DECR1: variants seen among roughly 807,000 people sequenced by gnomAD.
The protein encoded by DECR1 is 2,4-dienoyl-CoA reductase [(3E)-enoyl-CoA-producing], mitochondrial.
DECR1 carries 44 observed loss-of-function variants against 38.8 expected under a neutral mutation model. The observed-to-expected ratio is 1.13, with a 90% CI of 0.89 to 1.46. The LOEUF is 1.46. Ranked by LOEUF, DECR1 falls within the 40% of genes most tolerant of loss-of-function variation. DECR1 has a pLI of 0.00. For synonymous variants in DECR1, 148 were observed against 135.2 expected (o/e 1.09, Z -0.66); for missense variants, 428 against 405.5 (o/e 1.06, Z -0.48).
At chr8:90,049,751 A>G (rs746753191) in intron 8 of DECR1, among the ~76,000 whole-genome samples, 2 of 152,176 alleles carry the variant, frequency 1.3e-5, no homozygotes, top group Non-Finnish European at 2.9e-5. Flanking sequence ...CAAAGCTGGC[A>G]TCATCACACT....
chr8:90,004,415 C>T (rs1021874188), intron 1 of DECR1, among the ~76,000 whole-genome samples: 12 of 151,708 alleles, frequency 7.9e-5, no homozygotes, highest in Admixed American at 5.2e-4. Flanking sequence ...AAAATGATTC[C>T]TGGCCAATAT....
chr8:90,037,446 T>G (rs1028993707), intron 6 of DECR1, among the ~76,000 whole-genome samples: 4 of 150,426 alleles, frequency 2.7e-5, no homozygotes, highest in African/African-American at 9.7e-5. Context: ...AGAGTATAAC[T>G]GCTTTTTTTT....
intron 5 of DECR1, among the ~76,000 whole-genome samples, chr8:90,026,300 A>G (rs991986551): frequency 1.3e-5 from 2 of 152,180 alleles, no homozygotes; most frequent in Non-Finnish European, 2.9e-5. Context: ...AAGGAATGGT[A>G]CCAGCTCCTC....
intron 1 of DECR1, among the ~76,000 whole-genome samples, chr8:90,013,666 A>T (rs1286028416): frequency 6.6e-6 from 1 of 152,130 alleles, no homozygotes; most frequent in African/African-American, 2.4e-5. Context: ...GAATTCTTCC[A>T]TTATCTAAAT....
chr8:90,005,451 G>GA (rs1000645305), intron 1 of DECR1: 18 of 455,986 alleles, frequency 3.9e-5, no homozygotes, highest in African/African-American at 3.4e-4. Flanking sequence ...TTTCCAGTCT[G>GA]AAAAATGAGT....
At chr8:90,019,065 A>G (rs765152387) in intron 3 of DECR1, 21 bp from the exon 4 acceptor site, 1 of 1,611,786 alleles carries the variant, frequency 6.2e-7, no homozygotes, top group South Asian at 1.1e-5. Context: ...AAAATGTCAT[A>G]TTCTTTTTGT....
At chr8:90,003,961 A>C (rs1265194808) in intron 1 of DECR1, among the ~76,000 whole-genome samples, 1 of 152,126 alleles carries the variant, frequency 6.6e-6, no homozygotes, top group Non-Finnish European at 1.5e-5. Context: ...AAAATGGAAT[A>C]GAATAGGATA....
Position 90,019,155 on chromosome 8 carries a change from G to A in DECR1, c.400G>A (p.Val134Ile). 1 of 1,614,124 alleles carries A rather than the reference G, an allele frequency of 6.2e-7. No individual in the cohort carries two copies. The highest frequency in any genetic ancestry group is 8.5e-7 in the Non-Finnish European group (1 of 1,179,962). The change falls in exon 4 of 10, where the codon GTT becomes ATT. Residue 134 changes from valine (V) to isoleucine (I), a missense_variant. Val to Ile is a conservative substitution (Grantham distance 29). Coordinates refer to ENST00000220764, the MANE Select transcript of DECR1 (RefSeq NM_001359.2). Reference protein sequence around the residue: ...VQNTVSELIKVAGHPNIVINN... With the variant: ...VQNTVSELIKIAGHPNIVINN... ...AAACACTGTGTCAGAACTGATCAAA[G>A]TTGCAGGACATCCTAATGTAAGTGT...
At chr8:90,005,412 A>T (rs755433099) in intron 1 of DECR1, 1 of 456,106 alleles carries the variant, frequency 2.2e-6, no homozygotes. Flanking sequence ...TTGCTTTTGG[A>T]TGGGATCCCA....
chr8:90,008,761 T>C (rs938406491), intron 1 of DECR1, among the ~76,000 whole-genome samples: 7 of 152,222 alleles, frequency 4.6e-5, no homozygotes, highest in Admixed American at 2.6e-4. Flanking sequence ...TAAAATGTTA[T>C]GTATTAATAA....
chr8:90,046,122 C>T (rs6987476), intron 8 of DECR1, among the ~76,000 whole-genome samples: 6 of 152,154 alleles, frequency 3.9e-5, no homozygotes, highest in Non-Finnish European at 8.8e-5. Flanking sequence ...AAATTCAGAG[C>T]GCCTCTTCTC....
At chr8:90,044,811 A>C (rs1314001135) in intron 7 of DECR1, 38 bp from the exon 8 acceptor site, 2 of 1,572,754 alleles carry the variant, frequency 1.3e-6, no homozygotes, top group East Asian at 2.3e-5. Context: ...ATTGATTGAA[A>C]AACCCGACAC....
At chr8:90,023,654 T>C (rs1813221908) in intron 5 of DECR1, among the ~76,000 whole-genome samples, 1 of 152,108 alleles carries the variant, frequency 6.6e-6, no homozygotes, top group Non-Finnish European at 1.5e-5. Flanking sequence ...GATTTACCTG[T>C]AAATTTTCAT....
chr8:90,026,275 T>C (rs1435204338), intron 5 of DECR1, among the ~76,000 whole-genome samples: 1 of 152,234 alleles, frequency 6.6e-6, no homozygotes, highest in East Asian at 1.9e-4. Context: ...TTTCTATTGA[T>C]TGGAATAATT....
Position 90,052,270 on chromosome 8 carries a change from G to A in DECR1, c.*373G>A, listed in dbSNP as rs528289137. Reference sequence around the variant, plus strand: ...ATAATATACTATACCTATATTAATAGGGCCTAAAAGAAAGAAATTAGAGGA... The same window carrying A: ...ATAATATACTATACCTATATTAATAAGGCCTAAAAGAAAGAAATTAGAGGA... On this transcript the variant is annotated 3_prime_UTR_variant, in exon 10 of 10. Coordinates refer to ENST00000220764, the MANE Select transcript of DECR1 (RefSeq NM_001359.2). 6.6e-6 allele frequency among the ~76,000 whole-genome samples: 1 copy of A among 152,074 alleles called. No individual in the cohort carries two copies. The highest frequency in any genetic ancestry group is 1.9e-4 in the East Asian group (1 of 5,166).
intron 5 of DECR1, among the ~76,000 whole-genome samples, chr8:90,027,144 A>C (rs929282595): frequency 6.6e-6 from 1 of 152,172 alleles, no homozygotes; most frequent in Non-Finnish European, 1.5e-5. Flanking sequence ...ACTTCCAACT[A>C]TGTGGTCAAG....
At chr8:90,017,530 GGA>G (rs1177273920) in intron 2 of DECR1, among the ~76,000 whole-genome samples, 4 of 152,160 alleles carry the variant, frequency 2.6e-5, no homozygotes, top group Admixed American at 2.6e-4. Context: ...TGAAAATTGT[GGA>G]ACTGATGTTT....
intron 5 of DECR1, chr8:90,030,385 A>G (rs903119479): frequency 3.9e-5 from 6 of 152,178 alleles, no homozygotes; most frequent in Admixed American, 1.3e-4. Context: ...TCCATTACAA[A>G]TTCTTTTATC....
intron 5 of DECR1, among the ~76,000 whole-genome samples, chr8:90,027,785 C>T (rs530027287): frequency 1.3e-5 from 2 of 151,494 alleles, no homozygotes; most frequent in South Asian, 2.1e-4. Flanking sequence ...AAAAAAAAAT[C>T]GTGAATAAGT....
Sources: gnomAD v4.1 joint callset for allele counts (sites outside exome capture counted in the v4.1 genomes callset) on GRCh38, gnomAD v4.1.1 for gene constraint, MANE v1.5 for transcripts, NCBI Gene and HGNC (gene_info 2026-07-23, HGNC 2026-07-21) for gene names.